The following MAP3K7 variants were observed in gnomAD, a reference collection of about 807,000 sequenced individuals.
The protein encoded by MAP3K7 is TGF-beta activated kinase 1.
A neutral mutation model predicts 84.8 loss-of-function variants in MAP3K7; 21 were observed. That is an observed-to-expected ratio of 0.25 (90% CI 0.18 to 0.36). The LOEUF is 0.36. Ranked by LOEUF, MAP3K7 falls within the 10% of genes least tolerant of loss-of-function variation. The pLI, the probability that MAP3K7 is intolerant of heterozygous loss-of-function variation, is 1.00. For synonymous variants in MAP3K7, 241 were observed against 247.7 expected (o/e 0.97, Z 0.25); for missense variants, 503 against 747.7 (o/e 0.67, Z 3.82).
At chr6:90,566,665 C>A (rs1776716571) in intron 3 of MAP3K7, among the ~76,000 whole-genome samples, 1 of 152,114 alleles carries the variant, frequency 6.6e-6, no homozygotes, top group South Asian at 2.1e-4. Context: ...TCAATGCCAT[C>A]CCCATCAAGC....
chr6:90,545,962 G>A (rs997058999), intron 11 of MAP3K7, among the ~76,000 whole-genome samples: 9 of 152,122 alleles, frequency 5.9e-5, no homozygotes, highest in Non-Finnish European at 1.3e-4. Flanking sequence ...GAATGTAGAA[G>A]TGATGAAATG....
In MAP3K7 at chr6:90,516,530, G is replaced by C. The variant is rs1470177652; in HGVS notation, c.1792C>G (p.Gln598Glu). 14 of 1,612,082 alleles carry C rather than the reference G, an allele frequency of 8.7e-6. No individual in the cohort carries two copies. Among genetic ancestry groups the C allele is most frequent in the Non-Finnish European group, 1.2e-5 (14 of 1,178,962 alleles). Residue 598 changes from glutamine to glutamate, a missense_variant, in exon 17 of 17, where the codon CAG (glutamine) becomes GAG (glutamate). Gln to Glu is a conservative substitution (Grantham distance 29, BLOSUM62 2). Around this residue, in one of 5 missense-constraint regions of MAP3K7, gnomAD observed 43 missense variants for 47.3 expected, o/e 0.91. Transcript: ENST00000369329. ...CKKQLEVIRSQQQKRQGTS is the reference protein window; with the variant it reads ...CKKQLEVIRSEQQKRQGTS ...GAAGTGCCTTGTCGTTTCTGCTGCTGACTTCTGATGACCTCTAGTTGTTTT... is the reference window on the plus strand; with the variant it reads ...GAAGTGCCTTGTCGTTTCTGCTGCTCACTTCTGATGACCTCTAGTTGTTTT...
At chr6:90,575,768 G>A (rs1777054198) in intron 1 of MAP3K7, among the ~76,000 whole-genome samples, 2 of 152,214 alleles carry the variant, frequency 1.3e-5, no homozygotes, top group South Asian at 4.1e-4. Context: ...GGAGAACTGG[G>A]TTAGGTCTTC....
rs1774916150 is a variant in MAP3K7, at chr6:90,515,118, C to T, written c.*1383G>A. 1 of 151,966 alleles carries T rather than the reference C, an allele frequency of 6.6e-6. No individual in the cohort carries two copies. The highest frequency in any genetic ancestry group is 2.1e-4 in the South Asian group (1 of 4,830). The allele number at this position is 151,966 out of a possible 1,614,324, so 9.4% of individuals were successfully genotyped here. A position where few individuals can be genotyped will look rare whatever the true frequency, so the allele number is the denominator to read the frequency against. On this transcript the variant is annotated 3_prime_UTR_variant, in exon 17 of 17. Coordinates refer to ENST00000369329, the MANE Select transcript of MAP3K7 (RefSeq NM_145331.3). Reference sequence around the variant, plus strand: ...CTGAAATAGAGCAAAAACTACAATACAGTCATGATAGAATTCTAATAATCA... The same window carrying T: ...CTGAAATAGAGCAAAAACTACAATATAGTCATGATAGAATTCTAATAATCA...
At chr6:90,534,881 C>A (rs1775617010) in intron 13 of MAP3K7, among the ~76,000 whole-genome samples, 1 of 152,036 alleles carries the variant, frequency 6.6e-6, no homozygotes. Flanking sequence ...GCTCATCAAA[C>A]CTCCAAAGAA....
At chr6:90,527,414 C>A (rs767866219) in intron 13 of MAP3K7, among the ~76,000 whole-genome samples, 1 of 151,996 alleles carries the variant, frequency 6.6e-6, no homozygotes, top group Non-Finnish European at 1.5e-5. Flanking sequence ...ATGCTCACGG[C>A]ACCATGCATG....
intron 1 of MAP3K7, among the ~76,000 whole-genome samples, chr6:90,572,782 C>T (rs1776950227): frequency 6.6e-6 from 1 of 152,022 alleles, no homozygotes; most frequent in Non-Finnish European, 1.5e-5. Context: ...GGGTTCATTG[C>T]TCTCTCATGG....
At chr6:90,566,588 C>G (rs1006439277) in intron 3 of MAP3K7, among the ~76,000 whole-genome samples, 2 of 152,154 alleles carry the variant, frequency 1.3e-5, no homozygotes, top group Non-Finnish European at 2.9e-5. Flanking sequence ...GAAGAACATT[C>G]CATGCTCATG....
At position 90,516,546 on chromosome 6, in the gene MAP3K7, T is replaced by C. The variant is rs772239861; in HGVS notation, c.1776A>G (p.Leu592=). Residue 592 remains leucine (L), a synonymous_variant, in exon 17 of 17, where the codon CTA becomes CTG. Transcript: ENST00000369329. ...TCTGCTGCTGACTTCTGATGACCTC[T>C]AGTTGTTTTTTGCATTGCTGGTAGT... ...STYYQQCKKQ[L]EVIRSQQQKR... 15 of 1,612,696 alleles carry C rather than the reference T, an allele frequency of 9.3e-6. No individual in the cohort carries two copies. The East Asian group carries it at 3.1e-4, about 34-fold the overall frequency.
chr6:90,585,418 C>G (rs1777412926), intron 1 of MAP3K7, among the ~76,000 whole-genome samples: 1 of 152,154 alleles, frequency 6.6e-6, no homozygotes, highest in Non-Finnish European at 1.5e-5. Context: ...CTTGCTGACA[C>G]TTAAAAATAA....
At chr6:90,533,242 A>C (rs1775563348) in intron 13 of MAP3K7, among the ~76,000 whole-genome samples, 1 of 152,326 alleles carries the variant, frequency 6.6e-6, no homozygotes, top group Middle Eastern at 3.4e-3. Flanking sequence ...TGATCTCTCC[A>C]AATGAGGTCC....
At chr6:90,522,406 C>T (rs1288372643) in intron 14 of MAP3K7, among the ~76,000 whole-genome samples, 3 of 151,982 alleles carry the variant, frequency 2.0e-5, no homozygotes, top group East Asian at 1.9e-4. Context: ...AGTACCAGAC[C>T]CGGGCAAATG....
chr6:90,521,491 A>G (rs2127956093), intron 14 of MAP3K7, among the ~76,000 whole-genome samples: 1 of 152,216 alleles, frequency 6.6e-6, no homozygotes, highest in African/African-American at 2.4e-5. Context: ...TCATTTTATG[A>G]AAAGGCCAGA....
At chr6:90,542,618 G>A in intron 12 of MAP3K7, 1 of 331,790 alleles carries the variant, frequency 3.0e-6, no homozygotes, top group Non-Finnish European at 4.3e-6. Flanking sequence ...AGAAGATCTG[G>A]GTTGGGGTCC....
intron 11 of MAP3K7, among the ~76,000 whole-genome samples, chr6:90,545,320 T>C (rs1373385843): frequency 6.6e-6 from 1 of 152,088 alleles, no homozygotes; most frequent in African/African-American, 2.4e-5. Flanking sequence ...GGATGTACAA[T>C]AGCATTTGTT....
At chr6:90,567,469 A>G (rs1478008037) in intron 3 of MAP3K7, among the ~76,000 whole-genome samples, 1 of 152,264 alleles carries the variant, frequency 6.6e-6, no homozygotes, top group Non-Finnish European at 1.5e-5. Context: ...AAAAATGCTC[A>G]TCATCACTGG....
intron 3 of MAP3K7, among the ~76,000 whole-genome samples, chr6:90,566,192 T>C (rs1433594724): frequency 6.6e-6 from 1 of 152,168 alleles, no homozygotes; most frequent in Admixed American, 6.5e-5. Flanking sequence ...CTATTCAACA[T>C]AGTGTTGGAA....
At chr6:90,561,502 T>G (rs549768859) in intron 4 of MAP3K7, 120 bp downstream of exon 4, 25 of 617,800 alleles carry the variant, frequency 4.0e-5, no homozygotes, top group Non-Finnish European at 6.4e-5. Context: ...TTTTTAAAAA[T>G]TATGCCCTTT....
chr6:90,539,561 G>C (rs926308981), intron 12 of MAP3K7, among the ~76,000 whole-genome samples: 1 of 151,830 alleles, frequency 6.6e-6, no homozygotes, highest in African/African-American at 2.4e-5. Flanking sequence ...TATTGGTGCT[G>C]CAGTAGTCTG....
Sources: gnomAD v4.1 joint callset for allele counts (sites outside exome capture counted in the v4.1 genomes callset) on GRCh38, gnomAD v4.1.1 for gene constraint, gnomAD v4.1.1 regional missense constraint, MANE v1.5 for transcripts, NCBI Gene and HGNC (gene_info 2026-07-23, HGNC 2026-07-21) for gene names.